KIF1A: variants seen among roughly 807,000 people sequenced by gnomAD.
KIF1A encodes kinesin-like protein KIF1A.
In KIF1A, 46 loss-of-function variants were observed where a neutral mutation model predicts 227.3. The ratio of observed to expected loss-of-function variants is 0.20; its 90% confidence interval spans 0.16 to 0.26. The LOEUF is 0.26. Among genes scored for constraint, KIF1A ranks in the 10% least tolerant of loss-of-function variants. KIF1A has a pLI of 1.00. For missense variants in KIF1A, 1,683 were observed against 2,485.9 expected, an observed-to-expected ratio of 0.68 and a Z score of 6.87; for synonymous variants, 1,022 against 1,012.8, an observed-to-expected ratio of 1.01 and a Z score of -0.17.
At position 240,774,132 on chromosome 2, in the gene KIF1A, C is replaced by G. The variant is rs1326349628; in HGVS notation, c.1037+51G>C. ...CTAATTCAAGCACGAGAGGATCCAT[C>G]CCCCAAGACCAGGGAGCGGGAAGCA... On this transcript the variant is annotated intron_variant, in intron 12 of 48. Coordinates refer to ENST00000498729, the MANE Select transcript of KIF1A (RefSeq NM_001244008.2). 9 of 1,213,638 alleles carry G rather than the reference C, an allele frequency of 7.4e-6. No individual in the cohort carries two copies. In the Admixed American group the frequency reaches 1.7e-4, roughly 22 times the overall value. 75.2% of individuals were successfully genotyped at this position (1,213,638 alleles called of 1,614,324 possible).
intron 38 of KIF1A, 34 bp downstream of exon 38, chr2:240,737,029 C>T: frequency 2.6e-6 from 4 of 1,550,726 alleles, no homozygotes; most frequent in Non-Finnish European, 3.6e-6. Flanking sequence ...GGGAACATGC[C>T]CTGGGCCCTG....
Position 240,719,208 on chromosome 2 carries a change from G to T in KIF1A, c.5022-10C>A. On this transcript the variant is annotated splice_polypyrimidine_tract_variant and intron_variant, in intron 46 of 48. Transcript: ENST00000498729. ...CTTGGAAACGATCGGGCTGAAGGCA[G>T]AGAGAGCTGCTCGCTGGGGCCCTCG... 1 of 1,595,480 alleles carries T rather than the reference G, an allele frequency of 6.3e-7. No individual in the cohort carries two copies. The highest frequency in any genetic ancestry group is 1.1e-5 in the South Asian group (1 of 89,604).
At chr2:240,717,939 C>T in intron 48 of KIF1A, 111 bp downstream of exon 48, 1 of 748,236 alleles carries the variant, frequency 1.3e-6, no homozygotes, top group Admixed American at 2.0e-5. Flanking sequence ...GGGCAGGACC[C>T]CTGGGAGAGC....
In KIF1A at chr2:240,717,028, C is replaced by T. The variant is rs1205563338; in HGVS notation, c.*336G>A. 3.2e-6 allele frequency: 1 copy of T among 311,904 alleles called. No individual in the cohort carries two copies. Among genetic ancestry groups the T allele is most frequent in the Non-Finnish European group, 5.9e-6 (1 of 170,066 alleles). 19.3% of individuals were successfully genotyped at this position (311,904 alleles called of 1,614,324 possible). ...TTCCGAGTTGACTGTTTCAATGTCA[C>T]TAACTAACGTATATTAATTATAAGT... On this transcript the variant is annotated 3_prime_UTR_variant, in exon 49 of 49. Coordinates refer to ENST00000498729, the MANE Select transcript of KIF1A (RefSeq NM_001244008.2).
chr2:240,730,328 A>T (rs2046459970), intron 38 of KIF1A, among the ~76,000 whole-genome samples: 1 of 152,194 alleles, frequency 6.6e-6, no homozygotes, highest in East Asian at 1.9e-4. Flanking sequence ...ACAGCAGGAA[A>T]CCAAGACCCA....
In KIF1A at chr2:240,788,318, G is replaced by A; in HGVS notation, c.184-88C>T. 1.6e-6 allele frequency: 2 copies of A among 1,274,638 alleles called. No individual in the cohort carries two copies. The highest frequency in any genetic ancestry group is 2.4e-5 in the East Asian group (1 of 41,062). 79.0% of individuals were successfully genotyped at this position (1,274,638 alleles called of 1,614,324 possible). A position where few individuals can be genotyped will look rare whatever the true frequency, so the allele number is the denominator to read the frequency against. ...TGTCTGCGGAGCCAGGGGATGCCCA[G>A]GGCCTCAGGGTGCCAGGGCAGCACA... On this transcript the variant is annotated intron_variant, in intron 3 of 48. Coordinates refer to ENST00000498729, the MANE Select transcript of KIF1A (RefSeq NM_001244008.2). This position sits in a 1 kb window ranked among gnomAD's most constrained non-coding sequence, Gnocchi z 6.6.
At chr2:240,767,563 G>A (rs2051366532) in intron 17 of KIF1A, among the ~76,000 whole-genome samples, 1 of 152,228 alleles carries the variant, frequency 6.6e-6, no homozygotes. Context: ...CAGGCCGGTG[G>A]GACCCGACCA....
In KIF1A at chr2:240,760,986, G is replaced by A; in HGVS notation, c.2266-143C>T. 6.4e-6 allele frequency: 6 copies of A among 932,470 alleles called. No homozygotes were observed. In the South Asian group the frequency reaches 9.1e-5, roughly 14 times the overall value. The allele number at this position is 932,470 out of a possible 1,614,324, so 57.8% of individuals were successfully genotyped here. ...TGGAACCTTTCAGACAGCCGCCAGGGGGGACCACCTACTTCCTGCCTGCCC... is the reference window on the plus strand; with the variant it reads ...TGGAACCTTTCAGACAGCCGCCAGGAGGGACCACCTACTTCCTGCCTGCCC... On this transcript the variant is annotated intron_variant, in intron 24 of 48. Transcript: ENST00000498729.
intron 35 of KIF1A, 64 bp downstream of exon 35, chr2:240,741,205 C>G (rs560299566): frequency 1.8e-6 from 2 of 1,139,188 alleles, no homozygotes; most frequent in African/African-American, 1.5e-5. Context: ...CTCAAGTCCT[C>G]GTCCCTCTCC....
chr2:240,817,062 C>T (rs2058382151), intron 1 of KIF1A, among the ~76,000 whole-genome samples: 1 of 152,232 alleles, frequency 6.6e-6, no homozygotes, highest in Non-Finnish European at 1.5e-5. Flanking sequence ...CCACTGTGCC[C>T]CTGCCTCTGC....
intron 10 of KIF1A, 44 bp downstream of exon 10, chr2:240,782,546 A>C (rs1267994621): frequency 6.5e-7 from 1 of 1,547,842 alleles, no homozygotes; most frequent in South Asian, 1.2e-5. Flanking sequence ...AGACACCGCC[A>C]CCAGCCTCCC....
rs1187864486 is a variant in KIF1A, at chr2:240,758,116, G to A, written c.2582+244C>T. ...CATGGGTTCTGGCGGCTACAGCCCT[G>A]CAGTGGGTTTGGGTGGCAGTGCCAA... On this transcript the variant is annotated intron_variant, in intron 26 of 48. Transcript: ENST00000498729. The surrounding 1 kb of genome is among the most constrained non-coding windows in gnomAD (Gnocchi z 5.2). Among the ~76,000 whole-genome samples, 1 of 152,204 alleles carries A rather than the reference G, an allele frequency of 6.6e-6. No individual in the cohort carries two copies.
At chr2:240,814,007 A>G (rs960068425) in intron 1 of KIF1A, among the ~76,000 whole-genome samples, 4 of 152,182 alleles carry the variant, frequency 2.6e-5, no homozygotes, top group Admixed American at 2.6e-4. Context: ...AAAATGTAAG[A>G]GATGAAGTAC....
At chr2:240,749,908 G>A (rs11689256) in intron 28 of KIF1A, among the ~76,000 whole-genome samples, 30,847 of 152,276 alleles carry the variant, frequency 0.2, 3,283 homozygotes, top group Middle Eastern at 0.27. Context: ...AGCACCCCAG[G>A]GAGGGCTGCC....
chr2:240,735,415 G>T (rs1306305686), intron 38 of KIF1A, among the ~76,000 whole-genome samples: 3 of 136,882 alleles, frequency 2.2e-5, no homozygotes, highest in African/African-American at 7.6e-5. Flanking sequence ...GTCACCCATG[G>T]CAGCTGGTCT....
chr2:240,749,244 G>A (rs535442238), intron 28 of KIF1A, among the ~76,000 whole-genome samples: 4 of 152,302 alleles, frequency 2.6e-5, no homozygotes, highest in South Asian at 2.1e-4. Context: ...TAGCAGAGCC[G>A]GGAGAACCAG....
chr2:240,718,108 C>T lies in KIF1A; in HGVS notation c.5275G>A (p.Asp1759Asn), dbSNP rs1214446629. 3 of 1,611,770 alleles carry T rather than the reference C, an allele frequency of 1.9e-6. No individual in the cohort carries two copies. The highest frequency in any genetic ancestry group is 2.5e-6 in the Non-Finnish European group (3 of 1,179,414). Reference sequence around the variant, plus strand: ...TACAGCCAGTCATGCATGTCCTTGTCGCTGGCGGCCTGCAGCAGGATGCCG... The same window carrying T: ...TACAGCCAGTCATGCATGTCCTTGTTGCTGGCGGCCTGCAGCAGGATGCCG... ...HRGILLQAAS[D>N]KDMHDWLYAF... Residue 1759 changes from aspartate (D) to asparagine (N), a missense_variant, in exon 48 of 49, where the codon GAC becomes AAC. By Grantham distance (23) the Asp-to-Asn change is conservative (BLOSUM62 1). This residue lies in a region of KIF1A where 384 missense variants were observed against 410.1 expected (regional missense o/e 0.94). Transcript: ENST00000498729.
intron 25 of KIF1A, among the ~76,000 whole-genome samples, chr2:240,759,686 C>T (rs2050282889): frequency 6.6e-6 from 1 of 152,134 alleles, no homozygotes; most frequent in Non-Finnish European, 1.5e-5. Context: ...TGGCGCTGAC[C>T]TCACATGGTG....
In KIF1A at chr2:240,723,985, C is replaced by T. The variant is rs370868080; in HGVS notation, c.4308G>A (p.Ala1436=). The part of the protein sequence containing the change: ...YELSLCHVAD[A]GSPGMQRRRR... ...AGGGCAGATACCTACCTGGGCTGCC[C>T]GCGTCAGCCACGTGGCACAGGCTGA... The change falls in exon 41 of 49, where the codon GCG becomes GCA. Residue 1436 remains alanine (A), a synonymous_variant. Transcript: ENST00000498729. The T allele has an allele frequency of 2.2e-4, 356 of 1,612,266 alleles. 1 individual carries two copies. Among genetic ancestry groups the T allele is most frequent in the South Asian group, 3.3e-4 (30 of 91,068 alleles).
Sources: allele counts gnomAD v4.1 joint callset (sites outside exome capture counted in the v4.1 genomes callset), GRCh38; gene constraint gnomAD v4.1.1; regional missense constraint gnomAD v4.1.1; non-coding constraint Gnocchi (gnomAD v3.1); transcripts MANE v1.5; gene names NCBI Gene and HGNC (gene_info 2026-07-23, HGNC 2026-07-21).